The following SMYD3 variants were observed in gnomAD, a reference collection of about 807,000 sequenced individuals.
The protein encoded by SMYD3 is SET and MYND domain containing 3, also known as histone-lysine N-methyltransferase SMYD3.
A neutral mutation model predicts 57.7 loss-of-function variants in SMYD3; 36 were observed. That is an observed-to-expected ratio of 0.62 (90% CI 0.48 to 0.82). The LOEUF is 0.82. Ranked by LOEUF, SMYD3 falls within the 40% of genes least tolerant of loss-of-function variation. SMYD3 has a pLI of 0.00. For missense variants in SMYD3, 515 were observed against 538.8 expected (o/e 0.96, Z 0.44); for synonymous variants, 211 against 195.0 (o/e 1.08, Z -0.68).
chr1:246,436,992 C>T (rs550478946), intron 1 of SMYD3, among the ~76,000 whole-genome samples: 2 of 151,530 alleles, frequency 1.3e-5, no homozygotes, highest in African/African-American at 2.4e-5. Context: ...CTCCACCTCC[C>T]GGGTTCAAGC....
At chr1:246,097,012 A>G (rs943331270) in intron 5 of SMYD3, among the ~76,000 whole-genome samples, 4 of 152,244 alleles carry the variant, frequency 2.6e-5, no homozygotes, top group African/African-American at 9.6e-5. Flanking sequence ...CTCACAACAT[A>G]GACATGCAAT....
intron 5 of SMYD3, among the ~76,000 whole-genome samples, chr1:246,159,860 G>T (rs1313790226): frequency 6.6e-6 from 1 of 152,050 alleles, no homozygotes; most frequent in East Asian, 1.9e-4. Flanking sequence ...CCCAGATGTG[G>T]TCTTGCTATG....
intron 1 of SMYD3, among the ~76,000 whole-genome samples, chr1:246,374,960 G>GAT (rs1252494542): frequency 6.6e-6 from 1 of 152,172 alleles, no homozygotes; most frequent in Admixed American, 6.5e-5. Flanking sequence ...GGGCATGGTG[G>GAT]CTCATGCCTG....
At chr1:245,764,241 A>G in intron 10 of SMYD3, 92 bp from the exon 11 acceptor site, 1 of 805,410 alleles carries the variant, frequency 1.2e-6, no homozygotes, top group Non-Finnish European at 2.1e-6. Flanking sequence ...AGCAGACACT[A>G]GCTGTGAATG....
intron 1 of SMYD3, among the ~76,000 whole-genome samples, chr1:246,375,318 TGA>T (rs1040195186): frequency 7.2e-6 from 1 of 138,812 alleles, no homozygotes; most frequent in African/African-American, 2.7e-5. Flanking sequence ...ACATTTCTAA[TGA>T]GAGACTTTTT....
chr1:246,283,379 A>G (rs905097332), intron 5 of SMYD3, among the ~76,000 whole-genome samples: 2 of 152,176 alleles, frequency 1.3e-5, no homozygotes, highest in Admixed American at 6.5e-5. Context: ...CATCCCTCCC[A>G]AAGTCCTACC....
chr1:246,336,528 T>C (rs973029010), intron 2 of SMYD3, among the ~76,000 whole-genome samples: 1 of 152,130 alleles, frequency 6.6e-6, no homozygotes, highest in Non-Finnish European at 1.5e-5. Flanking sequence ...ACTGAGCTGA[T>C]TCAAAGTAAA....
chr1:245,821,341 A>T (rs553134999), intron 10 of SMYD3, among the ~76,000 whole-genome samples: 81 of 149,890 alleles, frequency 5.4e-4, no homozygotes, highest in African/African-American at 1.9e-3. Context: ...CTGGCTAGCC[A>T]TATGTAGAAA....
At chr1:245,862,516 A>G (rs185226578) in intron 9 of SMYD3, among the ~76,000 whole-genome samples, 27 of 152,126 alleles carry the variant, frequency 1.8e-4, no homozygotes, top group African/African-American at 6.5e-4. Context: ...TTTTCTTTCG[A>G]GATACTGATT....
chr1:245,754,375 A>C (rs2045522270), intron 11 of SMYD3, among the ~76,000 whole-genome samples: 1 of 152,154 alleles, frequency 6.6e-6, no homozygotes, highest in Admixed American at 6.5e-5. Flanking sequence ...AATCAGAGGG[A>C]AAAGAAATGT....
chr1:245,806,789 A>G (rs1315811949), intron 10 of SMYD3, among the ~76,000 whole-genome samples: 1 of 151,564 alleles, frequency 6.6e-6, no homozygotes. Context: ...GGGCGCCTGT[A>G]GTCCCAGCTA....
Position 246,195,613 on chromosome 1 carries a change from GCA to G in SMYD3, c.531+131586_531+131587del, listed in dbSNP as rs527875900. Among the ~76,000 whole-genome samples the G allele has an allele frequency of 2.2e-3, 326 of 149,694 alleles. 1 individual carries two copies. Among genetic ancestry groups the G allele is most frequent in the Non-Finnish European group, 2.9e-3 (196 of 67,168 alleles). ...TACACACAAATGTGCGTGCACGCGC[GCA>G]CACACACACACACACACGCACTGAA... On this transcript the variant is annotated intron_variant, in intron 5 of 11. Transcript: ENST00000490107.
At chr1:245,915,128 A>T (rs1194819476) in intron 8 of SMYD3, among the ~76,000 whole-genome samples, 2 of 152,264 alleles carry the variant, frequency 1.3e-5, no homozygotes, top group East Asian at 3.9e-4. Context: ...ATTTTATTTT[A>T]AAAAACATTT....
chr1:246,057,865 G>C (rs771404510), intron 5 of SMYD3, among the ~76,000 whole-genome samples: 6 of 152,304 alleles, frequency 3.9e-5, no homozygotes, highest in African/African-American at 1.4e-4. Flanking sequence ...GCCTTCAGAA[G>C]GTGAATGGAT....
chr1:245,887,361 A>C (rs1262530501), intron 8 of SMYD3, among the ~76,000 whole-genome samples: 3 of 152,180 alleles, frequency 2.0e-5, no homozygotes, highest in Non-Finnish European at 4.4e-5. Flanking sequence ...CTCGTTTAGC[A>C]TATCATCAAG....
chr1:245,822,491 T>C (rs2049221127), intron 10 of SMYD3, among the ~76,000 whole-genome samples: 1 of 150,456 alleles, frequency 6.6e-6, no homozygotes, highest in Admixed American at 6.6e-5. Flanking sequence ...GGCACATGTA[T>C]ACATATGTAA....
intron 5 of SMYD3, among the ~76,000 whole-genome samples, chr1:246,183,024 T>C (rs74428727): frequency 7.9e-5 from 12 of 152,304 alleles, no homozygotes; most frequent in South Asian, 4.2e-4. Flanking sequence ...GATTAAATAA[T>C]TGTAACCCCT....
chr1:246,374,539 T>G (rs1304815382), intron 1 of SMYD3, among the ~76,000 whole-genome samples: 1 of 147,026 alleles, frequency 6.8e-6, no homozygotes, highest in Non-Finnish European at 1.5e-5. Flanking sequence ...AGTACCACAG[T>G]GCTGTCTCGT....
chr1:245,772,277 T>C (rs1558320510), intron 10 of SMYD3, among the ~76,000 whole-genome samples: 1 of 152,268 alleles, frequency 6.6e-6, no homozygotes, highest in Non-Finnish European at 1.5e-5. Context: ...AAATTTTTCT[T>C]GCATTTCTTT....
Sources: allele counts gnomAD v4.1 joint callset (sites outside exome capture counted in the v4.1 genomes callset), GRCh38; gene constraint gnomAD v4.1.1; transcripts MANE v1.5; gene names NCBI Gene and HGNC (gene_info 2026-07-23, HGNC 2026-07-21).